Variants in ASH1L observed in about 807,000 individuals in gnomAD.
ASH1L encodes the protein histone-lysine N-methyltransferase ASH1L.
ASH1L carries 23 observed loss-of-function variants against 269.0 expected under a neutral mutation model. That is an observed-to-expected ratio of 0.09 (90% CI 0.06 to 0.12). The LOEUF is 0.12. ASH1L is among the 10% of genes least tolerant of loss of function. The pLI is 1.00. For synonymous variants in ASH1L, 1,187 were observed against 1,253.5 expected, an observed-to-expected ratio of 0.95 and a Z score of 1.12; for missense variants, 2,912 against 3,567.8, an observed-to-expected ratio of 0.82 and a Z score of 4.68.
chr1:155,367,258 C>T (rs1384430381), intron 12 of ASH1L, among the ~76,000 whole-genome samples: 1 of 152,166 alleles, frequency 6.6e-6, no homozygotes, highest in African/African-American at 2.4e-5. Flanking sequence ...TCCCAAAGTG[C>T]TGGGATTATA....
Position 155,476,707 on chromosome 1 carries a change from A to G in ASH1L, c.4984+1179T>C, listed in dbSNP as rs553421530. Among the ~76,000 whole-genome samples, 25 of 151,684 alleles carry G rather than the reference A, an allele frequency of 1.6e-4. No homozygotes were observed. The South Asian group carries it at 3.8e-3, about 23-fold the overall frequency. ...GCTGGGACTATAAGCGCCTGCCACC[A>G]TGCCTGGCTAATTTTTTTTGTATTT... is the stretch of plus-strand genomic sequence containing the variant. On this transcript the variant is annotated intron_variant, in intron 3 of 27. Coordinates refer to ENST00000392403, the MANE Select transcript of ASH1L (RefSeq NM_018489.3).
At chr1:155,430,769 C>T (rs940789120) in intron 5 of ASH1L, among the ~76,000 whole-genome samples, 1 of 152,102 alleles carries the variant, frequency 6.6e-6, no homozygotes, top group African/African-American at 2.4e-5. Context: ...GGCTCATTCA[C>T]TTGTTCTTTT....
chr1:155,360,014 T>A (rs1454110521), intron 13 of ASH1L, among the ~76,000 whole-genome samples: 1 of 152,014 alleles, frequency 6.6e-6, no homozygotes, highest in Non-Finnish European at 1.5e-5. Flanking sequence ...TGCCTTAGCC[T>A]CCAATAAACT....
intron 12 of ASH1L, among the ~76,000 whole-genome samples, chr1:155,363,994 C>CA (rs113274682): frequency 0.047 from 7,097 of 150,396 alleles, 581 homozygotes; most frequent in African/African-American, 0.17. Flanking sequence ...AACAAAAAAC[C>CA]AAAAAAAGGT....
chr1:155,478,889 G>A lies in ASH1L; in HGVS notation c.3981C>T (p.Phe1327=), dbSNP rs762849940. 2.4e-5 allele frequency: 38 copies of A among 1,613,920 alleles called. No homozygotes were observed. The highest frequency in any genetic ancestry group is 3.2e-5 in the Non-Finnish European group (38 of 1,180,016). The change falls in exon 3 of 28, where the codon TTC becomes TTT. Residue 1327 remains phenylalanine, a synonymous_variant. Coordinates refer to ENST00000392403, the MANE Select transcript of ASH1L (RefSeq NM_018489.3). This position sits in a 1 kb window ranked among gnomAD's most constrained non-coding sequence, Gnocchi z 4.6. The stretch of plus-strand genomic sequence containing the variant: ...CTAAGGGGAAAGAAGGATGTGTATA[G>A]AAACTATTAAAGTTGATTCGAAAGA... ...PTIFRINFNS[F]YTHPSFPLDP... is the part of the protein sequence containing the mutation.
intron 10 of ASH1L, among the ~76,000 whole-genome samples, chr1:155,372,744 T>C (rs1422608030): frequency 3.9e-5 from 6 of 151,964 alleles, no homozygotes. Context: ...CCTGAGTAGG[T>C]GGGATTACAG....
intron 2 of ASH1L, among the ~76,000 whole-genome samples, chr1:155,502,164 G>C (rs1363575819): frequency 6.7e-6 from 1 of 149,064 alleles, no homozygotes; most frequent in Admixed American, 6.7e-5. Context: ...TCCGCCTCCC[G>C]GGTTCAAGCA....
intron 2 of ASH1L, among the ~76,000 whole-genome samples, chr1:155,503,194 G>A (rs1325421479): frequency 6.6e-6 from 1 of 152,216 alleles, no homozygotes; most frequent in African/African-American, 2.4e-5. Flanking sequence ...TTTACTGTGA[G>A]AGTTACTATC....
At chr1:155,405,252 G>C (rs1465687005) in intron 6 of ASH1L, among the ~76,000 whole-genome samples, 1 of 151,972 alleles carries the variant, frequency 6.6e-6, no homozygotes, top group East Asian at 1.9e-4. Context: ...GGGCTGAGGG[G>C]GGGGCAGATC....
At chr1:155,427,014 G>C (rs906577245) in intron 5 of ASH1L, among the ~76,000 whole-genome samples, 3 of 151,210 alleles carry the variant, frequency 2.0e-5, no homozygotes. Flanking sequence ...GTGTAGGTCT[G>C]TTTCTTTTAT....
At chr1:155,382,428 A>T (rs915269685) in intron 7 of ASH1L, among the ~76,000 whole-genome samples, 2 of 151,954 alleles carry the variant, frequency 1.3e-5, no homozygotes, top group African/African-American at 4.8e-5. Flanking sequence ...AACCCAGGAG[A>T]TGGAGCTTGC....
At chr1:155,513,160 G>A (rs1356397029) in intron 2 of ASH1L, among the ~76,000 whole-genome samples, 3 of 152,110 alleles carry the variant, frequency 2.0e-5, no homozygotes, top group Non-Finnish European at 2.9e-5. Context: ...CAGAATAACT[G>A]TTACCGAGGA....
At chr1:155,346,025 G>A (rs1653277908) in intron 21 of ASH1L, 4 of 473,896 alleles carry the variant, frequency 8.4e-6, no homozygotes, top group Admixed American at 7.1e-5. Context: ...GTAGAGATGG[G>A]GTTTCACCGT....
At chr1:155,507,449 A>T (rs1667886806) in intron 2 of ASH1L, among the ~76,000 whole-genome samples, 1 of 152,224 alleles carries the variant, frequency 6.6e-6, no homozygotes, top group Admixed American at 6.5e-5. Flanking sequence ...TGTGCTCATG[A>T]AATCCACTCA....
At chr1:155,557,681 T>C (rs1300456535) in intron 1 of ASH1L, among the ~76,000 whole-genome samples, 1 of 152,110 alleles carries the variant, frequency 6.6e-6, no homozygotes, top group Non-Finnish European at 1.5e-5. Context: ...AAACGTGAAA[T>C]ATAAGACTAT....
At chr1:155,477,057 C>T (rs1423532895) in intron 3 of ASH1L, among the ~76,000 whole-genome samples, 5 of 152,046 alleles carry the variant, frequency 3.3e-5, no homozygotes, top group Non-Finnish European at 5.9e-5. Flanking sequence ...AACATATATA[C>T]CCGTAATTTT....
chr1:155,421,950 A>G (rs1044725305), intron 5 of ASH1L, among the ~76,000 whole-genome samples: 2 of 152,136 alleles, frequency 1.3e-5, no homozygotes, highest in African/African-American at 2.4e-5. Context: ...ACCAGTATCC[A>G]TCCATCTCCA....
At chr1:155,540,171 G>A (rs1670333068) in intron 1 of ASH1L, among the ~76,000 whole-genome samples, 1 of 152,016 alleles carries the variant, frequency 6.6e-6, no homozygotes, top group African/African-American at 2.4e-5. Flanking sequence ...CTCATAACTT[G>A]CAACTTACAA....
chr1:155,491,468 A>C (rs780612969), intron 2 of ASH1L, among the ~76,000 whole-genome samples: 69 of 152,072 alleles, frequency 4.5e-4, no homozygotes, highest in Non-Finnish European at 9.1e-4. Flanking sequence ...CCTTACAACC[A>C]CCATATAGTG....
Sources: gnomAD v4.1 joint callset for allele counts (sites outside exome capture counted in the v4.1 genomes callset) on GRCh38, gnomAD v4.1.1 for gene constraint, Gnocchi (gnomAD v3.1) non-coding constraint, MANE v1.5 for transcripts, NCBI Gene and HGNC (gene_info 2026-07-23, HGNC 2026-07-21) for gene names.